Variants in RTN4 observed in about 807,000 individuals in gnomAD.
RTN4 encodes the protein reticulon 4, also known as reticulon-4.
In RTN4, 32 loss-of-function variants were observed where a neutral mutation model predicts 90.4. The observed-to-expected ratio is 0.35, with a 90% confidence interval of 0.27 to 0.48. The LOEUF (loss-of-function observed/expected upper bound fraction) is 0.48. RTN4 is among the 20% of genes least tolerant of loss of function. RTN4 has a pLI of 0.99. For synonymous variants in RTN4, 629 were observed against 552.5 expected (o/e 1.14, Z -1.94); for missense variants, 1,706 against 1,430.2 (o/e 1.19, Z -3.11).
intron 1 of RTN4, among the ~76,000 whole-genome samples, chr2:55,081,541 A>G (rs1668717684): frequency 6.6e-6 from 1 of 152,172 alleles, no homozygotes. Flanking sequence ...AACTCAGAGA[A>G]TTTATTTATT....
rs143430460 is a variant in RTN4, at chr2:55,022,339, A to T, written c.3013+2747T>A. Among the ~76,000 whole-genome samples, 156 of 150,978 alleles carry T rather than the reference A, an allele frequency of 1.0e-3. 1 individual carries two copies. Among genetic ancestry groups the T allele is most frequent in the Non-Finnish European group, 1.8e-3 (119 of 67,706 alleles). On this transcript the variant is annotated intron_variant, in intron 3 of 8. Transcript: ENST00000337526. ...AAACCATTTTACTGTGCTGTTTGAA[A>T]CCCCCATTCCACTGTGAACCAGCTC...
intron 1 of RTN4, among the ~76,000 whole-genome samples, chr2:55,047,296 C>G (rs1488578041): frequency 6.7e-6 from 1 of 149,702 alleles, no homozygotes; most frequent in African/African-American, 2.5e-5. Flanking sequence ...CGTCATTGCA[C>G]TCCAGCCTGG....
At chr2:54,986,893 T>A (rs557403947) in intron 4 of RTN4, among the ~76,000 whole-genome samples, 1 of 151,666 alleles carries the variant, frequency 6.6e-6, no homozygotes. Flanking sequence ...GAGTATGAGG[T>A]GAGGGCAGAA....
intron 3 of RTN4, among the ~76,000 whole-genome samples, chr2:54,991,349 C>G (rs943892139): frequency 2.0e-5 from 3 of 152,184 alleles, no homozygotes; most frequent in African/African-American, 7.2e-5. Flanking sequence ...ACTGTTTAAA[C>G]AGGTGTAGTG....
At chr2:55,056,004 GTA>G (rs1177514843) in intron 2 of RTN4, among the ~76,000 whole-genome samples, 72 of 105,488 alleles carry the variant, frequency 6.8e-4, no homozygotes, top group Admixed American at 1.6e-3. Flanking sequence ...GTGTGTGTGT[GTA>G]TATATATATA....
chr2:55,049,588 C>T (rs752395105), intron 1 of RTN4, 157 bp downstream of exon 1: 8 of 1,262,132 alleles, frequency 6.3e-6, no homozygotes, highest in Non-Finnish European at 7.9e-6. Flanking sequence ...CACCCTTCTC[C>T]CCGCGCTTCC....
rs1308370247 is a variant in RTN4 at position 55,025,153 on chromosome 2, A to C, written c.2946T>G (p.Pro982=). ...ATCTGTCCTCTTTTTCTGTATCGGAAGGAAGTTTTTTCTCAGCTTCTTTCA... is the reference window on the plus strand; with the variant it reads ...ATCTGTCCTCTTTTTCTGTATCGGACGGAAGTTTTTTCTCAGCTTCTTTCA... ...VLVKEAEKKL[P]SDTEKEDRSP... is the part of the protein sequence containing the mutation. Residue 982 remains proline, a synonymous_variant, in exon 3 of 9, where the codon CCT becomes CCG. Transcript: ENST00000337526. 2 of 1,613,714 alleles carry C rather than the reference A, an allele frequency of 1.2e-6. No individual in the cohort carries two copies. The highest frequency in any genetic ancestry group is 1.1e-5 in the South Asian group (1 of 91,056).
chr2:55,000,545 G>C (rs1225594223), intron 3 of RTN4, among the ~76,000 whole-genome samples: 1 of 152,120 alleles, frequency 6.6e-6, no homozygotes, highest in South Asian at 2.1e-4. Flanking sequence ...CTCCCAGTCT[G>C]AGCAAGGCAC....
At chr2:55,115,874 C>G (rs1237894082), upstream of RTN4, among the ~76,000 whole-genome samples, 1 of 152,136 alleles carries the variant, frequency 6.6e-6, no homozygotes, top group Non-Finnish European at 1.5e-5. Flanking sequence ...CTCTTATGAC[C>G]ATTTTTTAAC....
At chr2:55,130,291 C>T in the RTN4 span, among the ~76,000 whole-genome samples, 87,721 of 152,074 alleles carry the variant, frequency 0.58, 26,029 homozygotes, top group African/African-American at 0.69. Flanking sequence ...TAAACATGTA[C>T]ACTCCCCACT....
intron 2 of RTN4, among the ~76,000 whole-genome samples, chr2:55,072,375 GC>G (rs760980982): frequency 6.6e-6 from 1 of 152,018 alleles, no homozygotes; most frequent in Non-Finnish European, 1.5e-5. Flanking sequence ...GACTACAGGT[GC>G]CCACCACCAT....
intron 3 of RTN4, among the ~76,000 whole-genome samples, chr2:55,009,493 A>G (rs1680476890): frequency 6.6e-6 from 1 of 152,214 alleles, no homozygotes; most frequent in African/African-American, 2.4e-5. Context: ...TGGTTATTAC[A>G]AGGACAAAGG....
chr2:55,116,402 T>C (rs1458388482), upstream of RTN4, among the ~76,000 whole-genome samples: 2 of 152,144 alleles, frequency 1.3e-5, no homozygotes, highest in African/African-American at 4.8e-5. Context: ...GTTAAGAGTG[T>C]TAAAATGCCT....
chr2:55,095,314 A>C (rs536961102), intron 1 of RTN4, among the ~76,000 whole-genome samples: 1 of 151,614 alleles, frequency 6.6e-6, no homozygotes, highest in African/African-American at 2.4e-5. Flanking sequence ...ACAGAGTGAG[A>C]TCCTGTCTCA....
chr2:55,049,203 A>G, intron 1 of RTN4: 1 of 984,224 alleles, frequency 1.0e-6, no homozygotes, highest in Non-Finnish European at 1.2e-6. Flanking sequence ...GAGGAGGGGG[A>G]GGGGAAGCGC....
chr2:55,007,856 G>C (rs568854182), intron 3 of RTN4, among the ~76,000 whole-genome samples: 1 of 151,916 alleles, frequency 6.6e-6, no homozygotes, highest in South Asian at 2.1e-4. Context: ...GTTCTACCCA[G>C]AAAGTTATTT....
upstream of RTN4, among the ~76,000 whole-genome samples, chr2:55,116,091 CTTTTTTTTTT>C (rs5831339): frequency 9.5e-6 from 1 of 105,474 alleles, no homozygotes; most frequent in African/African-American, 3.6e-5. Context: ...GGGGACTAGT[CTTTTTTTTTT>C]TTTTTTTTTT....
At chr2:54,980,756 T>TA (rs1678054690) in intron 5 of RTN4, among the ~76,000 whole-genome samples, 2 of 152,224 alleles carry the variant, frequency 1.3e-5, no homozygotes, top group South Asian at 4.1e-4. Flanking sequence ...GAATTACTAC[T>TA]TACAGACAGT....
At chr2:55,111,231 T>C (rs913057617) in intron 1 of RTN4, among the ~76,000 whole-genome samples, 1 of 152,074 alleles carries the variant, frequency 6.6e-6, no homozygotes, top group African/African-American at 2.4e-5. Flanking sequence ...ACTGGAATAC[T>C]TGCATGAAAA....
Sources: gnomAD v4.1 joint callset for allele counts (sites outside exome capture counted in the v4.1 genomes callset) on GRCh38, gnomAD v4.1.1 for gene constraint, MANE v1.5 for transcripts, NCBI Gene and HGNC (gene_info 2026-07-23, HGNC 2026-07-21) for gene names.